PDZD2: variants seen among roughly 807,000 people sequenced by gnomAD.
PDZD2 encodes PDZ domain-containing protein 2.
In PDZD2, 90 loss-of-function variants were observed where a neutral mutation model predicts 220.7. That is an observed-to-expected ratio of 0.41 (90% CI 0.34 to 0.49). The LOEUF (loss-of-function observed/expected upper bound fraction) is 0.49, where lower values mean the gene tolerates loss of function less well. Among genes scored for constraint, PDZD2 ranks in the 20% least tolerant of loss-of-function variants. PDZD2 has a pLI of 0.28. For missense variants in PDZD2, 3,174 were observed against 3,608.5 expected, an observed-to-expected ratio of 0.88 and a Z score of 3.08; for synonymous variants, 1,375 against 1,450.5, an observed-to-expected ratio of 0.95 and a Z score of 1.18.
intron 19 of PDZD2, among the ~76,000 whole-genome samples, chr5:32,078,638 T>TAAAAAAA (rs66500422): frequency 9.5e-6 from 1 of 104,932 alleles, no homozygotes; most frequent in African/African-American, 3.9e-5. Flanking sequence ...TCTCAAAAAT[T>TAAAAAAA]AAAAAAAAAA....
intron 1 of PDZD2, among the ~76,000 whole-genome samples, chr5:31,743,045 A>G (rs951018469): frequency 2.0e-5 from 3 of 152,122 alleles, no homozygotes; most frequent in Non-Finnish European, 4.4e-5. Flanking sequence ...CCTTTGGAGG[A>G]TGTTATATGA....
chr5:31,930,566 C>T (rs1190079662), intron 2 of PDZD2, among the ~76,000 whole-genome samples: 1 of 152,036 alleles, frequency 6.6e-6, no homozygotes, highest in African/African-American at 2.4e-5. Flanking sequence ...GTCTCAAATA[C>T]GCATCAAGGT....
chr5:32,057,718 A>G lies in PDZD2; in HGVS notation c.1964A>G (p.His655Arg), dbSNP rs1033386592. 6.3e-7 allele frequency: 1 copy of G among 1,581,436 alleles called. No homozygotes were observed. The highest frequency in any genetic ancestry group is 8.7e-7 in the Non-Finnish European group (1 of 1,151,364). Residue 655 changes from histidine to arginine, a missense_variant, in exon 11 of 25, where the codon CAT becomes CGT. Physicochemically the swap from His to Arg is conservative, Grantham distance 29 (BLOSUM62 0). Coordinates refer to ENST00000438447, the MANE Select transcript of PDZD2 (RefSeq NM_178140.4). ...IKGLTFQEAI[H>R]TFKQIRSGLF... Reference sequence around the variant, plus strand: ...GGCTTGACATTTCAAGAAGCCATTCATACCTTTAAGGTAACAACATTCTTA... The same window carrying G: ...GGCTTGACATTTCAAGAAGCCATTCGTACCTTTAAGGTAACAACATTCTTA...
chr5:31,738,116 A>C (rs1014708029), intron 1 of PDZD2, among the ~76,000 whole-genome samples: 19 of 152,202 alleles, frequency 1.2e-4, no homozygotes, highest in African/African-American at 4.6e-4. Flanking sequence ...GATCATGGGA[A>C]TTTTTCCCAG....
In PDZD2 at chr5:32,110,907, A is replaced by AAAT. The variant is rs760588792; in HGVS notation, c.*2775_*2777dup. On this transcript the variant is annotated 3_prime_UTR_variant, in exon 25 of 25. Transcript: ENST00000438447. The stretch of plus-strand genomic sequence containing the variant: ...AACCTTTTTTAAGTAATTTTAAAAA[A>AAAT]AATAAACACTCTGCTTACTACTTGA... 3.3e-5 allele frequency: 5 copies of AAAT among 152,212 alleles called. No homozygotes were observed. Among genetic ancestry groups the AAAT allele is most frequent in the African/African-American group, 7.2e-5 (3 of 41,434 alleles). 9.4% of individuals were successfully genotyped at this position (152,212 alleles called of 1,614,324 possible). A position where few individuals can be genotyped will look rare whatever the true frequency, so the allele number is the denominator to read the frequency against.
At chr5:31,677,047 T>C (rs1746456350) in intron 1 of PDZD2, among the ~76,000 whole-genome samples, 1 of 152,030 alleles carries the variant, frequency 6.6e-6, no homozygotes, top group Admixed American at 6.5e-5. Flanking sequence ...GGGTCAGCCC[T>C]ATGAAAAAAG....
Sources: allele counts gnomAD v4.1 joint callset (sites outside exome capture counted in the v4.1 genomes callset), GRCh38; gene constraint gnomAD v4.1.1; transcripts MANE v1.5; gene names NCBI Gene and HGNC (gene_info 2026-07-23, HGNC 2026-07-21).